OSTN: variants seen among roughly 807,000 people sequenced by gnomAD.
OSTN encodes the protein osteocrin.
OSTN carries 9 observed loss-of-function variants against 12.0 expected under a neutral mutation model. The observed-to-expected ratio is 0.75, with a 90% CI of 0.45 to 1.30. The LOEUF is 1.30. Ranked by LOEUF, OSTN falls within the 50% of genes most tolerant of loss-of-function variation. The pLI is 0.00. For synonymous variants in OSTN, 59 were observed against 56.9 expected, an observed-to-expected ratio of 1.04 and a Z score of -0.16; for missense variants, 148 against 152.3, an observed-to-expected ratio of 0.97 and a Z score of 0.15.
intron 3 of OSTN, among the ~76,000 whole-genome samples, chr3:191,242,564 T>G (rs1480471457): frequency 1.3e-5 from 2 of 151,362 alleles, no homozygotes; most frequent in Admixed American, 6.5e-5. Flanking sequence ...AATTTTTTCT[T>G]GTTTATTTTG....
chr3:191,235,598 G>A (rs143688937), intron 3 of OSTN, among the ~76,000 whole-genome samples: 4 of 152,264 alleles, frequency 2.6e-5, no homozygotes, highest in South Asian at 2.1e-4. Flanking sequence ...TAACATAGGC[G>A]TCCTTACCTC....
chr3:191,236,144 A>G (rs907410950), intron 3 of OSTN, among the ~76,000 whole-genome samples: 2 of 152,228 alleles, frequency 1.3e-5, no homozygotes, highest in East Asian at 1.9e-4. Context: ...GAAGTACTAC[A>G]TAAGTCTAGC....
intron 3 of OSTN, among the ~76,000 whole-genome samples, chr3:191,236,885 G>T (rs970948599): frequency 6.6e-6 from 1 of 152,110 alleles, no homozygotes; most frequent in African/African-American, 2.4e-5. Flanking sequence ...GAGTCACTCT[G>T]GTTCAAATGC....
chr3:191,237,868 C>T (rs1171444540), intron 3 of OSTN, among the ~76,000 whole-genome samples: 1 of 152,160 alleles, frequency 6.6e-6, no homozygotes, highest in African/African-American at 2.4e-5. Context: ...TCTTCTGCCC[C>T]GTTCCTGTTC....
intron 1 of OSTN, among the ~76,000 whole-genome samples, chr3:191,204,611 G>A (rs980315915): frequency 6.6e-6 from 1 of 152,150 alleles, no homozygotes; most frequent in Non-Finnish European, 1.5e-5. Flanking sequence ...AAAAGAGACC[G>A]CAATGGCTGG....
chr3:191,200,656 A>G (rs1046140097), intron 1 of OSTN, among the ~76,000 whole-genome samples: 2 of 151,820 alleles, frequency 1.3e-5, no homozygotes, highest in African/African-American at 2.4e-5. Flanking sequence ...GAAAAGGACA[A>G]AAAAAAATAG....
At chr3:191,203,362 T>G (rs1050102981) in intron 1 of OSTN, among the ~76,000 whole-genome samples, 1 of 152,098 alleles carries the variant, frequency 6.6e-6, no homozygotes, top group African/African-American at 2.4e-5. Context: ...GATCTGGGGG[T>G]TTAAAATAAT....
chr3:191,214,354 A>G (rs1233610311), intron 2 of OSTN, among the ~76,000 whole-genome samples: 1 of 145,492 alleles, frequency 6.9e-6, no homozygotes, highest in Non-Finnish European at 1.5e-5. Context: ...AGGCTGAGGC[A>G]GGAGAATCAC....
chr3:191,260,651 A>G (rs1250866439), intron 4 of OSTN, among the ~76,000 whole-genome samples: 1 of 152,178 alleles, frequency 6.6e-6, no homozygotes, highest in African/African-American at 2.4e-5. Flanking sequence ...TAACAAAAAA[A>G]GTCTTGGGTT....
chr3:191,264,384 A>T lies in OSTN; in HGVS notation c.*1531A>T, dbSNP rs1262507565. 6.6e-6 allele frequency: 1 copy of T among 152,114 alleles called. No homozygotes were observed. Among genetic ancestry groups the T allele is most frequent in the Non-Finnish European group, 1.5e-5 (1 of 67,968 alleles). 9.4% of individuals were successfully genotyped at this position (152,114 alleles called of 1,614,324 possible). Reference sequence around the variant, plus strand: ...GAAAGAAATGAACATGTGTACTTAGAATATATATATTGGTTTTGTATGTAA... The same window carrying T: ...GAAAGAAATGAACATGTGTACTTAGTATATATATATTGGTTTTGTATGTAA... On this transcript the variant is annotated 3_prime_UTR_variant, in exon 5 of 5. Coordinates refer to ENST00000682035, the MANE Select transcript of OSTN (RefSeq NM_198184.2).
chr3:191,239,899 T>G (rs1715282230), intron 3 of OSTN, among the ~76,000 whole-genome samples: 1 of 152,200 alleles, frequency 6.6e-6, no homozygotes, highest in South Asian at 2.1e-4. Flanking sequence ...TGCTTCCTCT[T>G]TTTATTGGAA....
chr3:191,208,993 A>G (rs553190084), intron 1 of OSTN, among the ~76,000 whole-genome samples: 1 of 152,256 alleles, frequency 6.6e-6, no homozygotes, highest in South Asian at 2.1e-4. Context: ...CTCTGTCTCT[A>G]CCAAAAATAC....
chr3:191,200,573 T>G (rs1385350040), intron 1 of OSTN, among the ~76,000 whole-genome samples: 1 of 152,112 alleles, frequency 6.6e-6, no homozygotes, highest in Non-Finnish European at 1.5e-5. Flanking sequence ...AGCTCTGCTA[T>G]AATCCACCTA....
At chr3:191,250,602 G>A (rs954662778) in intron 4 of OSTN, among the ~76,000 whole-genome samples, 4 of 152,218 alleles carry the variant, frequency 2.6e-5, no homozygotes, top group African/African-American at 9.6e-5. Context: ...CATTAGCCAT[G>A]GAATCAAAAC....
chr3:191,262,495 T>A (rs1715834868), intron 4 of OSTN, among the ~76,000 whole-genome samples: 1 of 152,178 alleles, frequency 6.6e-6, no homozygotes, highest in Admixed American at 6.5e-5. Context: ...GAAAGTAGTA[T>A]TCAGGTTTTC....
rs892407717 is a variant in OSTN at position 191,264,026 on chromosome 3, C to T, written c.*1173C>T. The T allele has an allele frequency of 2.6e-5, 4 of 152,060 alleles. No homozygotes were observed. Among genetic ancestry groups the T allele is most frequent in the Non-Finnish European group, 5.9e-5 (4 of 67,970 alleles). The allele number at this position is 152,060 out of a possible 1,614,324, so 9.4% of individuals were successfully genotyped here. The stretch of plus-strand genomic sequence containing the variant: ...GTTTATAAAGCATCGAAAAACACTT[C>T]CTCTGTAAACCCTAAAAATCACTGT... On this transcript the variant is annotated 3_prime_UTR_variant, in exon 5 of 5. Transcript: ENST00000682035.
intron 3 of OSTN, among the ~76,000 whole-genome samples, chr3:191,246,331 T>G (rs1015541512): frequency 2.0e-5 from 3 of 151,022 alleles, no homozygotes; most frequent in Non-Finnish European, 4.4e-5. Flanking sequence ...GTAGGCCGGG[T>G]GTGGTGGCTC....
chr3:191,220,484 G>A (rs540427459), intron 3 of OSTN, among the ~76,000 whole-genome samples: 4 of 152,152 alleles, frequency 2.6e-5, no homozygotes, highest in African/African-American at 9.6e-5. Flanking sequence ...ATAACAAATT[G>A]TAATACAAGA....
At chr3:191,260,332 G>GC (rs71175393) in intron 4 of OSTN, among the ~76,000 whole-genome samples, 81,232 of 151,526 alleles carry the variant, frequency 0.54, 22,506 homozygotes, top group Non-Finnish European at 0.6. Context: ...TTCCTGTAAA[G>GC]CCAGAATGTA....
Sources: allele counts gnomAD v4.1 joint callset (sites outside exome capture counted in the v4.1 genomes callset), GRCh38; gene constraint gnomAD v4.1.1; transcripts MANE v1.5; gene names NCBI Gene and HGNC (gene_info 2026-07-23, HGNC 2026-07-21).